The following PLEKHA1 variants were observed in gnomAD, a reference collection of about 807,000 sequenced individuals.
The protein encoded by PLEKHA1 is pleckstrin homology domain-containing family A member 1.
Under a neutral mutation model 52.0 loss-of-function variants are expected in PLEKHA1, and 34 were observed. That is an observed-to-expected ratio of 0.65 (90% CI 0.50 to 0.87). The LOEUF (loss-of-function observed/expected upper bound fraction) is 0.87. PLEKHA1 is among the 40% of genes least tolerant of loss of function. PLEKHA1 has a pLI of 0.00. For synonymous variants in PLEKHA1, 163 were observed against 170.7 expected (o/e 0.95, Z 0.35); for missense variants, 497 against 504.2 (o/e 0.99, Z 0.14).
intron 3 of PLEKHA1, among the ~76,000 whole-genome samples, chr10:122,399,817 C>T (rs534142367): frequency 4.6e-5 from 7 of 152,154 alleles, no homozygotes; most frequent in South Asian, 2.1e-4. Flanking sequence ...GATCTCCTGA[C>T]CTCGTGATCC....
chr10:122,418,679 G>A (rs904050323), intron 8 of PLEKHA1: 3 of 152,162 alleles, frequency 2.0e-5, no homozygotes, highest in African/African-American at 7.2e-5. Context: ...GGTAGAATCA[G>A]AAATTGAAAT....
intron 8 of PLEKHA1, chr10:122,418,522 A>C (rs1165961200): frequency 6.6e-6 from 1 of 152,262 alleles, no homozygotes; most frequent in African/African-American, 2.4e-5. Context: ...AAAAAGAGTA[A>C]CATTACAGTG....
At chr10:122,416,721 G>A (rs1318382423) in intron 7 of PLEKHA1, among the ~76,000 whole-genome samples, 1 of 152,052 alleles carries the variant, frequency 6.6e-6, no homozygotes, top group Non-Finnish European at 1.5e-5. Flanking sequence ...CTTTCTATGT[G>A]AACTAAATCT....
rs1483665027 is a variant in PLEKHA1, at chr10:122,393,393, AG to A, written c.141+53del. ...TTAAAAGCACAGAAAGTTGTATTTA[AG>A]TATTTAACATACTATACAGGCTTTA... On this transcript the variant is annotated intron_variant, in intron 2 of 11. Transcript: ENST00000368990. The surrounding 1 kb of genome is among the most constrained non-coding windows in gnomAD (Gnocchi z 4.5). 2.2e-5 allele frequency: 33 copies of A among 1,523,006 alleles called. No individual in the cohort carries two copies. The highest frequency in any genetic ancestry group is 2.8e-5 in the Non-Finnish European group (32 of 1,136,774). 94.3% of individuals were successfully genotyped at this position (1,523,006 alleles called of 1,614,324 possible). A position where few individuals can be genotyped will look rare whatever the true frequency, so the allele number is the denominator to read the frequency against.
intron 8 of PLEKHA1, 199 bp from the exon 9 acceptor site, chr10:122,424,000 A>G (rs1325057723): frequency 3.1e-6 from 2 of 647,364 alleles, no homozygotes; most frequent in Non-Finnish European, 4.8e-6. Flanking sequence ...TCTTGTTTCA[A>G]ACAACAGTGT....
intron 1 of PLEKHA1, among the ~76,000 whole-genome samples, chr10:122,377,726 CT>C (rs1277134778): frequency 6.6e-6 from 1 of 152,076 alleles, no homozygotes; most frequent in African/African-American, 2.4e-5. Context: ...CCCTAAGTAA[CT>C]TTTTTTCTTG....
rs778239588 is a variant in PLEKHA1 at position 122,428,279 on chromosome 10, C to T, written c.900+1248C>T. The T allele has an allele frequency of 8.1e-5, 125 of 1,539,222 alleles. 1 individual carries two copies. Among genetic ancestry groups the T allele is most frequent in the South Asian group, 3.8e-4 (31 of 82,030 alleles). ...TTAGCTTTGCACTGTGTTCCAGATG[C>T]GGCAGGCCAGAAGGCTGTCGAACCC... On this transcript the variant is annotated intron_variant, in intron 11 of 11. Coordinates refer to ENST00000368990, the MANE Select transcript of PLEKHA1 (RefSeq NM_001001974.4).
At chr10:122,429,512 G>A (rs1391874181) in intron 11 of PLEKHA1, 112 bp from the exon 12 acceptor site, 4 of 846,676 alleles carry the variant, frequency 4.7e-6, no homozygotes, top group Non-Finnish European at 7.3e-6. Flanking sequence ...GTGTGTGTGT[G>A]TGTGTGTGTG....
chr10:122,404,190 T>A (rs573295710), intron 4 of PLEKHA1, among the ~76,000 whole-genome samples: 3 of 152,200 alleles, frequency 2.0e-5, no homozygotes, highest in African/African-American at 7.2e-5. Context: ...AAAGATGATA[T>A]TGCTTGTAAG....
At chr10:122,420,838 C>G (rs1441760648) in intron 8 of PLEKHA1, 1 of 152,196 alleles carries the variant, frequency 6.6e-6, no homozygotes, top group Admixed American at 6.5e-5. Flanking sequence ...AGGCTGTCCT[C>G]TTGGGGGGTT....
Position 122,429,816 on chromosome 10 carries a change from G to A in PLEKHA1, c.1093G>A (p.Glu365Lys), listed in dbSNP as rs770251129. ...CAAGGTCCAGACTGTCTCTCCAAGA[G>A]AACCAGCTTCCAAAGTGACTGAACA... Reference protein sequence around the residue: ...NFKVQTVSPREPASKVTEQAL... With the variant: ...NFKVQTVSPRKPASKVTEQAL... The change falls in exon 12 of 12, where the codon GAA becomes AAA. Residue 365 changes from glutamate (E) to lysine (K), a missense_variant. Glu to Lys is a moderately conservative substitution (Grantham distance 56, BLOSUM62 1). Transcript: ENST00000368990. The A allele has an allele frequency of 1.2e-6, 2 of 1,614,052 alleles. No individual in the cohort carries two copies. The highest frequency in any genetic ancestry group is 2.7e-5 in the African/African-American group (2 of 74,922).
At position 122,429,662 on chromosome 10, in the gene PLEKHA1, C is replaced by G. The variant is rs764204600; in HGVS notation, c.939C>G (p.Phe313Leu). The change falls in exon 12 of 12, where the codon TTC (phenylalanine) becomes TTG (leucine). Residue 313 changes from phenylalanine (F) to leucine (L), a missense_variant. Physicochemically the swap from Phe to Leu is conservative, Grantham distance 22. Transcript: ENST00000368990. ...PPGPSESKHA[F>L]RPTNAATATS... ...GTCCTTCAGAATCCAAACACGCTTT[C>G]CGTCCTACCAACGCAGCCACCGCCA... is the stretch of plus-strand genomic sequence containing the variant. 4 of 1,613,970 alleles carry G rather than the reference C, an allele frequency of 2.5e-6. No individual in the cohort carries two copies. Among genetic ancestry groups the G allele is most frequent in the Non-Finnish European group, 3.4e-6 (4 of 1,179,990 alleles).
Position 122,415,877 on chromosome 10 carries a change from T to C in PLEKHA1, c.487T>C (p.Cys163Arg), listed in dbSNP as rs1247171065. The change falls in exon 7 of 12, where the codon TGT becomes CGT. Residue 163 changes from cysteine (C) to arginine (R), a missense_variant. Transcript: ENST00000368990. ...ATTTTAGAAAGAAGAAGTAAATGAATGTGGTGAAAGTATTGACAGAAATAA... is the reference window on the plus strand; with the variant it reads ...ATTTTAGAAAGAAGAAGTAAATGAACGTGGTGAAAGTATTGACAGAAATAA... Reference protein sequence around the residue: ...TPTQKEEVNECGESIDRNNLK... With the variant: ...TPTQKEEVNERGESIDRNNLK... 6.2e-7 allele frequency: 1 copy of C among 1,611,132 alleles called. No homozygotes were observed. Among genetic ancestry groups the C allele is most frequent in the Non-Finnish European group, 8.5e-7 (1 of 1,178,372 alleles).
chr10:122,429,642 T>C lies in PLEKHA1; in HGVS notation c.919T>C (p.Ser307Pro). ...SASSEHPPGP[S>P]ESKHAFRPTN... is the part of the protein sequence containing the mutation. ...TTTGCAGGAGCATCCCCCCGGTCCT[T>C]CAGAATCCAAACACGCTTTCCGTCC... Residue 307 changes from serine (S) to proline (P), a missense_variant, in exon 12 of 12, where the codon TCA (serine) becomes CCA (proline). Ser to Pro is a moderately conservative substitution (Grantham distance 74, BLOSUM62 -1). Coordinates refer to ENST00000368990, the MANE Select transcript of PLEKHA1 (RefSeq NM_001001974.4). The C allele has an allele frequency of 6.2e-7, 1 of 1,613,892 alleles. No homozygotes were observed. Among genetic ancestry groups the C allele is most frequent in the Non-Finnish European group, 8.5e-7 (1 of 1,179,882 alleles).
chr10:122,433,207 C>T (rs2097426355), downstream of PLEKHA1: 1 of 152,266 alleles, frequency 6.6e-6, no homozygotes, highest in East Asian at 1.9e-4. Context: ...TGTCATTGTG[C>T]AGAGTAGGTA....
At chr10:122,428,817 G>A (rs562623901) in intron 11 of PLEKHA1, among the ~76,000 whole-genome samples, 275 of 152,242 alleles carry the variant, frequency 1.8e-3, no homozygotes, top group African/African-American at 6.4e-3. Flanking sequence ...TGATTTCAAA[G>A]CCACTGGTAT....
chr10:122,429,599 G>A, intron 11 of PLEKHA1, 25 bp from the exon 12 acceptor site: 2 of 1,607,352 alleles, frequency 1.2e-6, no homozygotes, highest in East Asian at 2.2e-5. Flanking sequence ...GACTGACCGT[G>A]TCTGACTGCC....
chr10:122,423,435 A>AAC (rs1306225861), intron 8 of PLEKHA1: 1 of 115,846 alleles, frequency 8.6e-6, no homozygotes, highest in African/African-American at 2.9e-5. Context: ...CAAAAAAAAA[A>AAC]AAAACAAAAA....
intron 1 of PLEKHA1, among the ~76,000 whole-genome samples, chr10:122,390,639 A>G (rs1391238265): frequency 1.3e-5 from 2 of 152,268 alleles, no homozygotes; most frequent in African/African-American, 4.8e-5. Flanking sequence ...TTAGCTGGGC[A>G]TGGTGGTACA....
Sources: gnomAD v4.1 joint callset for allele counts (sites outside exome capture counted in the v4.1 genomes callset) on GRCh38, gnomAD v4.1.1 for gene constraint, Gnocchi (gnomAD v3.1) non-coding constraint, MANE v1.5 for transcripts, NCBI Gene and HGNC (gene_info 2026-07-23, HGNC 2026-07-21) for gene names.